The following XKR6 variants were observed in gnomAD, a reference collection of about 807,000 sequenced individuals.
XKR6 encodes the protein XK related 6.
A neutral mutation model predicts 56.7 loss-of-function variants in XKR6; 22 were observed. The observed-to-expected ratio is 0.39, with a 90% confidence interval of 0.28 to 0.55. The LOEUF (loss-of-function observed/expected upper bound fraction) is 0.55, where lower values mean the gene tolerates loss of function less well. Ranked by LOEUF, XKR6 falls within the 20% of genes least tolerant of loss-of-function variation. XKR6 has a pLI of 0.66. For missense variants in XKR6, 852 were observed against 889.0 expected, an observed-to-expected ratio of 0.96 and a Z score of 0.53; for synonymous variants, 524 against 387.8, an observed-to-expected ratio of 1.35 and a Z score of -4.13.
At chr8:11,105,964 T>C (rs540794658) in intron 1 of XKR6, 2 of 152,346 alleles carry the variant, frequency 1.3e-5, no homozygotes, top group Admixed American at 1.3e-4. Context: ...CGACAAGCTT[T>C]TAAATAATTA....
At chr8:11,035,167 G>A (rs533766415) in intron 1 of XKR6, 10 of 534,200 alleles carry the variant, frequency 1.9e-5, no homozygotes, top group Non-Finnish European at 3.1e-5. Flanking sequence ...AGCCAGTCTC[G>A]TGCCCAGCCC....
At position 10,960,020 on chromosome 8, in the gene XKR6, C is replaced by T. The variant is rs182832968; in HGVS notation, c.765-35190G>A. 3.4e-3 allele frequency among the ~76,000 whole-genome samples: 513 copies of T among 152,298 alleles called. 1 individual carries two copies. Among genetic ancestry groups the T allele is most frequent in the African/African-American group, 0.011 (468 of 41,560 alleles). On this transcript the variant is annotated intron_variant, in intron 1 of 2. Transcript: ENST00000416569. ...AAGCCTGAAGGTCAGGGGGGGGCCT[C>T]CTTAAAATTTGCACCTGGCACCTTG... is the stretch of plus-strand genomic sequence containing the variant.
At chr8:10,973,662 A>T (rs1802470846) in intron 1 of XKR6, among the ~76,000 whole-genome samples, 1 of 151,696 alleles carries the variant, frequency 6.6e-6, no homozygotes, top group East Asian at 1.9e-4. Flanking sequence ...TCACTGCACA[A>T]CCTCCACCTC....
chr8:11,062,947 G>C (rs987558272), intron 1 of XKR6: 1 of 428,496 alleles, frequency 2.3e-6, no homozygotes, highest in African/African-American at 2.0e-5. Flanking sequence ...GCATTGGCTA[G>C]AAGTGAAGGA....
intron 1 of XKR6, among the ~76,000 whole-genome samples, chr8:10,985,209 G>T (rs896050244): frequency 1.3e-5 from 2 of 152,018 alleles, no homozygotes; most frequent in African/African-American, 4.8e-5. Flanking sequence ...CACATGTCAC[G>T]GGAGGGACCT....
chr8:11,042,856 C>T (rs1396800755), intron 1 of XKR6, among the ~76,000 whole-genome samples: 1 of 152,236 alleles, frequency 6.6e-6, no homozygotes, highest in Non-Finnish European at 1.5e-5. Flanking sequence ...ATGGGGAAGG[C>T]AGCTCCCTGG....
rs184675166 is a variant in XKR6, at chr8:11,101,611, C to T, written c.764+98965G>A. On this transcript the variant is annotated intron_variant, in intron 1 of 2. Transcript: ENST00000416569. ...CTGCCAGAGATTAAAAACTGGGAAT[C>T]CACAAGAGCCAATGAATTTTCCCCC... is the stretch of plus-strand genomic sequence containing the variant. Among the ~76,000 whole-genome samples, 749 of 152,296 alleles carry T rather than the reference C, an allele frequency of 4.9e-3. 3 individuals are homozygous for T. The highest frequency in any genetic ancestry group is 8.5e-3 in the Non-Finnish European group (575 of 68,004).
intron 1 of XKR6, among the ~76,000 whole-genome samples, chr8:11,125,326 C>T (rs957889173): frequency 1.3e-4 from 20 of 152,036 alleles, no homozygotes; most frequent in Admixed American, 9.8e-4. Context: ...CCTAGAACCC[C>T]GCACAATTCA....
intron 1 of XKR6, among the ~76,000 whole-genome samples, chr8:11,133,469 TCTC>T (rs1800220281): frequency 6.6e-6 from 1 of 151,924 alleles, no homozygotes; most frequent in Non-Finnish European, 1.5e-5. Flanking sequence ...GAGACCAAGC[TCTC>T]CTTAGGAATG....
rs144932690 is a variant in XKR6, at chr8:10,970,432, C to T, written c.765-45602G>A. On this transcript the variant is annotated intron_variant, in intron 1 of 2. Coordinates refer to ENST00000416569, the MANE Select transcript of XKR6 (RefSeq NM_173683.4). ...GATACTGTGAATATTTATTCTCCACCATGTGACTGGCACTGTCCTAAGCAC... is the reference window on the plus strand; with the variant it reads ...GATACTGTGAATATTTATTCTCCACTATGTGACTGGCACTGTCCTAAGCAC... Among the ~76,000 whole-genome samples the T allele has an allele frequency of 2.0e-3, 306 of 152,282 alleles. 2 individuals carry two copies. Among genetic ancestry groups the T allele is most frequent in the African/African-American group, 6.7e-3 (280 of 41,544 alleles).
intron 1 of XKR6, among the ~76,000 whole-genome samples, chr8:11,106,941 T>C (rs1359073919): frequency 6.6e-6 from 1 of 151,532 alleles, no homozygotes; most frequent in African/African-American, 2.4e-5. Flanking sequence ...ACATCTATTC[T>C]ACTTCCCCAC....
chr8:11,128,060 C>A (rs1325221692), intron 1 of XKR6, among the ~76,000 whole-genome samples: 1 of 152,130 alleles, frequency 6.6e-6, no homozygotes. Context: ...AAGAGTTAAG[C>A]CATCAAAATC....
At chr8:11,179,503 A>T (rs558337659) in intron 1 of XKR6, among the ~76,000 whole-genome samples, 1 of 152,074 alleles carries the variant, frequency 6.6e-6, no homozygotes, top group East Asian at 1.9e-4. Context: ...TGATATGCAC[A>T]TGTGTGTGTG....
chr8:11,110,268 T>C (rs1172249765), intron 1 of XKR6, among the ~76,000 whole-genome samples: 1 of 152,206 alleles, frequency 6.6e-6, no homozygotes, highest in Non-Finnish European at 1.5e-5. Flanking sequence ...CCACTGCGCC[T>C]GGCCTTAAAA....
chr8:11,155,165 A>G (rs966530369), intron 1 of XKR6, among the ~76,000 whole-genome samples: 1 of 152,330 alleles, frequency 6.6e-6, no homozygotes, highest in Non-Finnish European at 1.5e-5. Flanking sequence ...AGCTCATTTT[A>G]TCACTCAGAA....
chr8:10,989,382 G>A (rs752202261), intron 1 of XKR6, among the ~76,000 whole-genome samples: 3 of 152,212 alleles, frequency 2.0e-5, no homozygotes, highest in African/African-American at 4.8e-5. Flanking sequence ...GGACCTCATA[G>A]TTAACTAAAA....
chr8:11,005,363 T>C (rs1193098637), intron 1 of XKR6, among the ~76,000 whole-genome samples: 1 of 148,704 alleles, frequency 6.7e-6, no homozygotes, highest in Non-Finnish European at 1.5e-5. Context: ...CTGTAGTAGA[T>C]ATAGATATAT....
intron 1 of XKR6, among the ~76,000 whole-genome samples, chr8:11,107,150 T>A (rs188357612): frequency 1.3e-5 from 2 of 151,736 alleles, no homozygotes; most frequent in African/African-American, 4.8e-5. Flanking sequence ...AACTGTACTA[T>A]GATTACTTGG....
intron 1 of XKR6, among the ~76,000 whole-genome samples, chr8:10,950,675 G>A (rs962228028): frequency 6.6e-6 from 1 of 152,214 alleles, no homozygotes; most frequent in Non-Finnish European, 1.5e-5. Flanking sequence ...TAATTCATTC[G>A]TTCATACCTC....
Sources: gnomAD v4.1 joint callset for allele counts (sites outside exome capture counted in the v4.1 genomes callset) on GRCh38, gnomAD v4.1.1 for gene constraint, MANE v1.5 for transcripts, NCBI Gene and HGNC (gene_info 2026-07-23, HGNC 2026-07-21) for gene names.